The following LUZP2 variants were observed in gnomAD, a reference collection of about 807,000 sequenced individuals.
LUZP2 encodes leucine zipper protein 2.
Under a neutral mutation model 51.6 loss-of-function variants are expected in LUZP2, and 52 were observed. The observed-to-expected ratio is 1.01, with a 90% CI of 0.81 to 1.27. The LOEUF (loss-of-function observed/expected upper bound fraction) is 1.27, where lower values mean the gene tolerates loss of function less well. LUZP2 is among the 50% of genes most tolerant of loss of function. The probability of loss-of-function intolerance (pLI) is 0.00; values close to 1 mark genes in which losing one functional copy is unlikely to be tolerated. For missense variants in LUZP2, 436 were observed against 395.4 expected (o/e 1.10, Z -0.87); for synonymous variants, 154 against 137.3 (o/e 1.12, Z -0.85).
chr11:24,834,880 A>G (rs1224354338), intron 5 of LUZP2, among the ~76,000 whole-genome samples: 2 of 152,222 alleles, frequency 1.3e-5, no homozygotes, highest in Admixed American at 1.3e-4. Context: ...TGTTGGCTGC[A>G]TAAAGGTCTT....
intron 1 of LUZP2, among the ~76,000 whole-genome samples, chr11:24,714,643 G>A (rs903354634): frequency 6.6e-6 from 1 of 152,168 alleles, no homozygotes; most frequent in Non-Finnish European, 1.5e-5. Context: ...AACAGCAGAA[G>A]TATATGCATG....
intron 7 of LUZP2, among the ~76,000 whole-genome samples, chr11:24,929,482 A>T (rs930981890): frequency 3.2e-4 from 49 of 152,212 alleles, no homozygotes; most frequent in Middle Eastern, 3.4e-3. Context: ...TTACCCAGTG[A>T]TCATTGAGGA....
rs147048077 is a variant in LUZP2, at chr11:24,807,387, G to A, written c.396+44079G>A. Among the ~76,000 whole-genome samples, 1,449 of 151,824 alleles carry A rather than the reference G, an allele frequency of 9.5e-3. 27 individuals carry two copies. The highest frequency in any genetic ancestry group is 0.031 in the African/African-American group (1,300 of 41,360). The stretch of plus-strand genomic sequence containing the variant: ...TGAGGCAGGAGAATCACTTGAATCC[G>A]GAGGCGGAGGTTGCAATGAACTGAG... On this transcript the variant is annotated intron_variant, in intron 5 of 11. Transcript: ENST00000336930.
chr11:24,675,903 C>A (rs1253484431), intron 1 of LUZP2, among the ~76,000 whole-genome samples: 2 of 151,880 alleles, frequency 1.3e-5, no homozygotes, highest in African/African-American at 4.8e-5. Flanking sequence ...ACTGCAACCT[C>A]CCCCTCCCGG....
chr11:24,577,056 T>A (rs987395893), intron 1 of LUZP2, among the ~76,000 whole-genome samples: 1 of 152,118 alleles, frequency 6.6e-6, no homozygotes, highest in African/African-American at 2.4e-5. Context: ...GCTTTTGCTA[T>A]TTATTTGCTT....
At chr11:25,030,911 TA>T (rs1857633662) in intron 9 of LUZP2, among the ~76,000 whole-genome samples, 7 of 22,870 alleles carry the variant, frequency 3.1e-4, no homozygotes, top group African/African-American at 1.5e-3. Context: ...ATATAATATA[TA>T]TTGTATTATA....
intron 1 of LUZP2, among the ~76,000 whole-genome samples, chr11:24,570,394 T>C (rs1477618919): frequency 1.3e-5 from 2 of 152,114 alleles, no homozygotes; most frequent in East Asian, 3.9e-4. Context: ...TAGTGTTTAC[T>C]GTATTATTAA....
chr11:24,574,260 C>T (rs1436706346), intron 1 of LUZP2, among the ~76,000 whole-genome samples: 278 of 7,348 alleles, frequency 0.038, 8 homozygotes, highest in African/African-American at 0.072. Context: ...TTCTTTCTTT[C>T]TTGCTTTCTT....
At position 25,082,518 on chromosome 11, in the gene LUZP2, T is replaced by A. The variant is rs1859481310; in HGVS notation, c.*3860T>A. On this transcript the variant is annotated 3_prime_UTR_variant, in exon 12 of 12. Transcript: ENST00000336930. ...GACATTTTCTTAGTCGTGTGTATAG[T>A]CCTAAATTTCCCCAAACTATGTGTT... is the stretch of plus-strand genomic sequence containing the variant. 1 of 152,294 alleles carries A rather than the reference T, an allele frequency of 6.6e-6. No individual in the cohort carries two copies. Among genetic ancestry groups the A allele is most frequent in the African/African-American group, 2.4e-5 (1 of 41,444 alleles). The allele number at this position is 152,294 out of a possible 1,614,324, so 9.4% of individuals were successfully genotyped here.
At chr11:24,977,013 C>T (rs1193274569) in intron 8 of LUZP2, among the ~76,000 whole-genome samples, 1 of 151,580 alleles carries the variant, frequency 6.6e-6, no homozygotes, top group African/African-American at 2.4e-5. Context: ...AGTTATGAAG[C>T]AAAAGGAAGT....
At chr11:25,057,644 T>A (rs1858726754) in intron 10 of LUZP2, among the ~76,000 whole-genome samples, 1 of 152,150 alleles carries the variant, frequency 6.6e-6, no homozygotes. Context: ...TAATATTCAA[T>A]GTAAACGTGT....
chr11:24,829,021 T>A (rs1850621215), intron 5 of LUZP2, among the ~76,000 whole-genome samples: 1 of 152,094 alleles, frequency 6.6e-6, no homozygotes, highest in Admixed American at 6.5e-5. Flanking sequence ...ATGGAGGCAT[T>A]GGCATGATGA....
chr11:25,053,003 A>AT (rs1246310485), intron 10 of LUZP2, among the ~76,000 whole-genome samples: 25 of 152,232 alleles, frequency 1.6e-4, no homozygotes, highest in Non-Finnish European at 2.5e-4. Context: ...TTTTAACTTG[A>AT]TTTTCAGTTG....
intron 10 of LUZP2, among the ~76,000 whole-genome samples, chr11:25,064,049 A>C (rs562008661): frequency 7.8e-4 from 119 of 151,734 alleles, no homozygotes; most frequent in African/African-American, 2.8e-3. Context: ...ATACATTTTG[A>C]ACATGAAGGA....
intron 1 of LUZP2, among the ~76,000 whole-genome samples, chr11:24,504,787 T>C (rs1253387464): frequency 6.6e-6 from 1 of 152,162 alleles, no homozygotes; most frequent in Non-Finnish European, 1.5e-5. Context: ...TATAAAATTA[T>C]AATTTATTTT....
chr11:24,940,921 C>T (rs1480001247), intron 7 of LUZP2, among the ~76,000 whole-genome samples: 13 of 152,128 alleles, frequency 8.5e-5, no homozygotes, highest in Admixed American at 8.5e-4. Flanking sequence ...AATGTAGTTG[C>T]CTTCAACTTC....
intron 1 of LUZP2, among the ~76,000 whole-genome samples, chr11:24,612,181 G>T (rs966847722): frequency 2.0e-5 from 3 of 152,126 alleles, no homozygotes; most frequent in Middle Eastern, 3.2e-3. Context: ...ATGGCACAGG[G>T]TTAAAGGGAA....
Position 24,618,397 on chromosome 11 carries a change from G to A in LUZP2, c.63-110772G>A, listed in dbSNP as rs562235311. The stretch of plus-strand genomic sequence containing the variant: ...ATTTCCAGTCTAGGGTGCCTCATGA[G>A]AGTGGAGGTCAGACTGCCTACTGGG... On this transcript the variant is annotated intron_variant, in intron 1 of 11. Coordinates refer to ENST00000336930, the MANE Select transcript of LUZP2 (RefSeq NM_001009909.4). Among the ~76,000 whole-genome samples the A allele has an allele frequency of 7.2e-5, 11 of 152,242 alleles. No homozygotes were observed. The East Asian group carries it at 1.2e-3, about 16-fold the overall frequency.
At chr11:24,806,060 G>C (rs894866499) in intron 5 of LUZP2, among the ~76,000 whole-genome samples, 11 of 152,122 alleles carry the variant, frequency 7.2e-5, no homozygotes, top group African/African-American at 2.2e-4. Flanking sequence ...GATATGAAGA[G>C]ACCAGGAATA....
Sources: allele counts gnomAD v4.1 joint callset (sites outside exome capture counted in the v4.1 genomes callset), GRCh38; gene constraint gnomAD v4.1.1; transcripts MANE v1.5; gene names NCBI Gene and HGNC (gene_info 2026-07-23, HGNC 2026-07-21).